DCD: variants seen among roughly 807,000 people sequenced by gnomAD.
The protein encoded by DCD is diffusible survival/evasion peptide.
DCD carries 17 observed loss-of-function variants against 14.5 expected under a neutral mutation model. That is an observed-to-expected ratio of 1.18 (90% CI 0.81 to 1.76). The LOEUF is 1.76. DCD is among the 40% of genes most tolerant of loss of function. The pLI is 0.00. For synonymous variants in DCD, 64 were observed against 54.0 expected (o/e 1.19, Z -0.82); for missense variants, 139 against 133.4 (o/e 1.04, Z -0.21).
chr12:54,647,251 T>C (rs1445044083), intron 1 of DCD, 92 bp from the exon 2 acceptor site: 18 of 1,267,258 alleles, frequency 1.4e-5, no homozygotes, highest in Non-Finnish European at 2.0e-5. Context: ...AGGCCTCTAA[T>C]CTCAGGAGTG....
At chr12:54,645,548 G>A in intron 3 of DCD, 58 bp downstream of exon 3, 1 of 1,479,662 alleles carries the variant, frequency 6.8e-7, no homozygotes, top group Non-Finnish European at 9.4e-7. Flanking sequence ...CTGGCCCCCA[G>A]ATATCTTGCT....
chr12:54,645,002 G>A, intron 4 of DCD, 171 bp downstream of exon 4: 4 of 1,519,616 alleles, frequency 2.6e-6, no homozygotes, highest in Non-Finnish European at 3.6e-6. Flanking sequence ...TAGACCCCAG[G>A]AAGTATCAAT....
At chr12:54,645,819 C>G (rs1958256169) in intron 2 of DCD, 112 bp from the exon 3 acceptor site, 1 of 783,620 alleles carries the variant, frequency 1.3e-6, no homozygotes, top group Non-Finnish European at 2.2e-6. Context: ...ATAGCTCCCT[C>G]TCTCCCAATT....
At position 54,644,639 on chromosome 12, in the gene DCD, T is replaced by A. The variant is rs1958238292; in HGVS notation, c.*74A>T. The A allele has an allele frequency of 2.6e-5, 27 of 1,055,896 alleles. No homozygotes were observed. The South Asian group carries it at 3.2e-4, about 12-fold the overall frequency. The allele number at this position is 1,055,896 out of a possible 1,614,324, so 65.4% of individuals were successfully genotyped here. ...GCTGTTTTAAATTTTTTTTTTTTTT[T>A]TTTTTTTTAGGTTTTAGGCTGAAGA... On this transcript the variant is annotated 3_prime_UTR_variant, in exon 5 of 5. Transcript: ENST00000293371.
At chr12:54,648,033 G>A (rs771256621) in intron 1 of DCD, among the ~76,000 whole-genome samples, 2 of 152,236 alleles carry the variant, frequency 1.3e-5, no homozygotes, top group Admixed American at 6.5e-5. Context: ...CAGACTGAGA[G>A]GAGAGGCAAT....
At chr12:54,646,599 G>A (rs958801649) in intron 2 of DCD, among the ~76,000 whole-genome samples, 4 of 152,124 alleles carry the variant, frequency 2.6e-5, no homozygotes, top group African/African-American at 9.7e-5. Context: ...GGAACGTTGG[G>A]TAGTAGAAAG....
intron 1 of DCD, 25 bp from the exon 2 acceptor site, chr12:54,647,184 T>A: frequency 1.3e-6 from 2 of 1,557,466 alleles, no homozygotes; most frequent in Non-Finnish European, 1.7e-6. Context: ...ACAGTGACCA[T>A]GTCAAGTAGG....
Position 54,645,789 on chromosome 12 carries a change from C to A in DCD, c.98-82G>T, listed in dbSNP as rs558776736. The A allele has an allele frequency of 1.9e-5, 23 of 1,180,200 alleles. No individual in the cohort carries two copies. In the East Asian group the frequency reaches 4.8e-4, roughly 24 times the overall value. The allele number at this position is 1,180,200 out of a possible 1,614,324, so 73.1% of individuals were successfully genotyped here. On this transcript the variant is annotated intron_variant, in intron 2 of 4. Coordinates refer to ENST00000293371, the MANE Select transcript of DCD (RefSeq NM_053283.4). Reference sequence around the variant, plus strand: ...CGGGGAGCAGGTGGTGCTTTTACCCCCTCAAGGTCTGGCTTGAGGATAGCT... The same window carrying A: ...CGGGGAGCAGGTGGTGCTTTTACCCACTCAAGGTCTGGCTTGAGGATAGCT...
chr12:54,645,579 A>T, intron 3 of DCD, 27 bp downstream of exon 3: 1 of 1,592,242 alleles, frequency 6.3e-7, no homozygotes, highest in African/African-American at 1.3e-5. Context: ...TCAGAATTCT[A>T]TACCAGGCAT....
rs2121291729 is a variant in DCD at position 54,648,234 on chromosome 12, A to G, written c.58+12T>C. The G allele has an allele frequency of 3.1e-6, 5 of 1,613,552 alleles. No homozygotes were observed. The highest frequency in any genetic ancestry group is 4.2e-6 in the Non-Finnish European group (5 of 1,179,892). ...ACTATATGGTTGGGTGTCGGGGAAGAGCCATACTCACAGGCACAGACCAGG... is the reference window on the plus strand; with the variant it reads ...ACTATATGGTTGGGTGTCGGGGAAGGGCCATACTCACAGGCACAGACCAGG... On this transcript the variant is annotated intron_variant, in intron 1 of 4. Coordinates refer to ENST00000293371, the MANE Select transcript of DCD (RefSeq NM_053283.4).
rs1036539340 is a variant in DCD at position 54,645,255 on chromosome 12, G to A, written c.207C>T (p.Gly69=). Reference sequence around the variant, plus strand: ...CCACAGCTTTTTTTGCTCCGTCTAGGCCTTTTTCTAGGGTGGATTCAGAAA... The same window carrying A: ...CCACAGCTTTTTTTGCTCCGTCTAGACCTTTTTCTAGGGTGGATTCAGAAA... ...RKQRSSLLEK[G]LDGAKKAVGG... is the part of the protein sequence containing the mutation. Residue 69 remains glycine (G), a synonymous_variant, in exon 4 of 5, where the codon GGC becomes GGT. Transcript: ENST00000293371. 1.9e-6 allele frequency: 3 copies of A among 1,613,960 alleles called. No homozygotes were observed. The highest frequency in any genetic ancestry group is 1.1e-5 in the South Asian group (1 of 91,082).
At chr12:54,645,321 G>A in intron 3 of DCD, 59 bp from the exon 4 acceptor site, 1 of 1,531,782 alleles carries the variant, frequency 6.5e-7, no homozygotes, top group Non-Finnish European at 9.0e-7. Flanking sequence ...TCCTTTGTAG[G>A]AGAGCTCCCC....
Position 54,644,644 on chromosome 12 carries a change from T to TTTTA in DCD, c.*65_*68dup. ...TTTAAATTTTTTTTTTTTTTTTTTT[T>TTTTA]TTTAGGTTTTAGGCTGAAGACGTAA... On this transcript the variant is annotated 3_prime_UTR_variant, in exon 5 of 5. Coordinates refer to ENST00000293371, the MANE Select transcript of DCD (RefSeq NM_053283.4). The TTTTA allele has an allele frequency of 9.6e-7, 1 of 1,043,254 alleles. No homozygotes were observed. The highest frequency in any genetic ancestry group is 1.4e-6 in the Non-Finnish European group (1 of 719,964). 64.6% of individuals were successfully genotyped at this position (1,043,254 alleles called of 1,614,324 possible).
At chr12:54,646,391 A>ATC (rs1186909270) in intron 2 of DCD, among the ~76,000 whole-genome samples, 1 of 151,986 alleles carries the variant, frequency 6.6e-6, no homozygotes, top group South Asian at 2.1e-4. Flanking sequence ...TGAGAATTAG[A>ATC]TCTCTCTCTC....
At chr12:54,644,868 G>A in intron 4 of DCD, 112 bp from the exon 5 acceptor site, 1 of 1,540,988 alleles carries the variant, frequency 6.5e-7, no homozygotes, top group South Asian at 1.2e-5. Flanking sequence ...GGGAAGGGAG[G>A]CCTGGAGGTG....
At chr12:54,647,196 C>T (rs752668642) in intron 1 of DCD, 37 bp from the exon 2 acceptor site, 12 of 1,552,452 alleles carry the variant, frequency 7.7e-6, no homozygotes, top group Non-Finnish European at 8.7e-6. Context: ...TCAAGTAGGG[C>T]ACAGTTGCAT....
intron 1 of DCD, among the ~76,000 whole-genome samples, chr12:54,647,970 T>C (rs969232548): frequency 4.6e-5 from 7 of 152,054 alleles, no homozygotes; most frequent in Non-Finnish European, 8.8e-5. Context: ...AATGGCTTGG[T>C]TCATTGAGGG....
chr12:54,644,817 G>A lies in DCD; in HGVS notation c.290-61C>T, dbSNP rs1958242826. On this transcript the variant is annotated intron_variant, in intron 4 of 4. Transcript: ENST00000293371. ...TAGGAAGAAAAAAGGAAGGGAAAGA[G>A]AGCCAGGGAATTGGGGAAGGAGAGG... The A allele has an allele frequency of 4.5e-6, 7 of 1,565,908 alleles. No individual in the cohort carries two copies. The South Asian group carries it at 5.8e-5, about 13-fold the overall frequency.
intron 2 of DCD, 57 bp from the exon 3 acceptor site, chr12:54,645,764 C>G: frequency 6.7e-7 from 1 of 1,496,708 alleles, no homozygotes; most frequent in Non-Finnish European, 9.3e-7. Flanking sequence ...CCACCCTGGT[C>G]GGGGAGCAGG....
Sources: allele counts gnomAD v4.1 joint callset (sites outside exome capture counted in the v4.1 genomes callset), GRCh38; gene constraint gnomAD v4.1.1; transcripts MANE v1.5; gene names NCBI Gene and HGNC (gene_info 2026-07-23, HGNC 2026-07-21).